The following PAK1 variants were observed in gnomAD, a reference collection of about 807,000 sequenced individuals.
The protein encoded by PAK1 is p21 (RAC1) activated kinase 1, also known as serine/threonine-protein kinase PAK 1.
Under a neutral mutation model 67.4 loss-of-function variants are expected in PAK1, and 29 were observed. The observed-to-expected ratio is 0.43, with a 90% CI of 0.32 to 0.59. PAK1 has a LOEUF of 0.59. PAK1 is among the 20% of genes least tolerant of loss of function. The probability of loss-of-function intolerance (pLI) is 0.07; values close to 1 mark genes in which losing one functional copy is unlikely to be tolerated. For missense variants in PAK1, 337 were observed against 670.7 expected (o/e 0.50, Z 5.50); for synonymous variants, 223 against 237.4 (o/e 0.94, Z 0.56).
chr11:77,334,496 G>A (rs1942319522), intron 13 of PAK1, among the ~76,000 whole-genome samples: 1 of 152,194 alleles, frequency 6.6e-6, no homozygotes, highest in African/African-American at 2.4e-5. Context: ...GAATAAATGA[G>A]AAAATAAAAG....
intron 1 of PAK1, among the ~76,000 whole-genome samples, chr11:77,458,269 C>G (rs1957167536): frequency 6.6e-6 from 1 of 152,128 alleles, no homozygotes; most frequent in Non-Finnish European, 1.5e-5. Flanking sequence ...AAAGTTAATT[C>G]TTAGAACAAA....
At chr11:77,389,993 G>GAA (rs1210081397) in intron 2 of PAK1, among the ~76,000 whole-genome samples, 6 of 152,112 alleles carry the variant, frequency 3.9e-5, no homozygotes, top group Admixed American at 3.9e-4. Context: ...TAGAGATCAA[G>GAA]AACACTGGTT....
intron 1 of PAK1, among the ~76,000 whole-genome samples, chr11:77,466,362 G>C (rs1957594464): frequency 6.6e-6 from 1 of 152,174 alleles, no homozygotes; most frequent in Non-Finnish European, 1.5e-5. Flanking sequence ...CCAGCACTTT[G>C]GGAGGCAGAA....
the PAK1 span, among the ~76,000 whole-genome samples, chr11:77,512,278 CT>C: frequency 5.3e-5 from 8 of 152,176 alleles, no homozygotes; most frequent in African/African-American, 1.9e-4. Context: ...TCCCCTCCCC[CT>C]ATTTCAGATT....
chr11:77,327,474 A>G (rs1245077750), intron 14 of PAK1, among the ~76,000 whole-genome samples: 2 of 152,232 alleles, frequency 1.3e-5, no homozygotes, highest in Non-Finnish European at 2.9e-5. Flanking sequence ...AGTGGGGGCC[A>G]ATATTCAACA....
chr11:77,520,293 A>T, the PAK1 span, among the ~76,000 whole-genome samples: 1 of 152,136 alleles, frequency 6.6e-6, no homozygotes, highest in Non-Finnish European at 1.5e-5. Flanking sequence ...ACTCTCTCAG[A>T]TCTCCCTCAG....
chr11:77,438,199 G>A (rs529819189), intron 1 of PAK1, among the ~76,000 whole-genome samples: 35 of 152,122 alleles, frequency 2.3e-4, no homozygotes, highest in Non-Finnish European at 4.1e-4. Flanking sequence ...AAACAGGCAC[G>A]TCACATAGCC....
At chr11:77,501,544 C>G in the PAK1 span, among the ~76,000 whole-genome samples, 1 of 152,188 alleles carries the variant, frequency 6.6e-6, no homozygotes, top group Non-Finnish European at 1.5e-5. Flanking sequence ...CTGATCCCAC[C>G]CTGTTCCAGT....
chr11:77,420,464 ACT>A (rs1043290463), intron 1 of PAK1, among the ~76,000 whole-genome samples: 2 of 152,292 alleles, frequency 1.3e-5, no homozygotes, highest in Admixed American at 1.3e-4. Flanking sequence ...ACAAGTCAAA[ACT>A]CTGTTCCTCC....
chr11:77,456,779 C>A (rs1957099511), intron 1 of PAK1, among the ~76,000 whole-genome samples: 1 of 151,610 alleles, frequency 6.6e-6, no homozygotes, highest in South Asian at 2.1e-4. Flanking sequence ...TCTCGCACTG[C>A]CACCCAGACT....
the PAK1 span, among the ~76,000 whole-genome samples, chr11:77,498,691 A>ATTTTTTTT: frequency 1.9e-4 from 14 of 72,074 alleles, 3 homozygotes; most frequent in South Asian, 1.2e-3. Context: ...CTTGCTTGTA[A>ATTTTTTTT]TTTTTTTTTT....
At chr11:77,324,830 T>C (rs879610457) in intron 14 of PAK1, among the ~76,000 whole-genome samples, 5 of 151,938 alleles carry the variant, frequency 3.3e-5, no homozygotes, top group Admixed American at 3.3e-4. Flanking sequence ...GAGAAACATA[T>C]ATACTAATAT....
At chr11:77,517,100 C>T in the PAK1 span, among the ~76,000 whole-genome samples, 312 of 152,294 alleles carry the variant, frequency 2.0e-3, 7 homozygotes, top group East Asian at 0.053. Flanking sequence ...AATCTTCCTT[C>T]AGGCATAATT....
intron 2 of PAK1, among the ~76,000 whole-genome samples, chr11:77,389,353 T>C (rs1950846556): frequency 6.6e-6 from 1 of 152,234 alleles, no homozygotes; most frequent in African/African-American, 2.4e-5. Context: ...TTTGGGTTGT[T>C]TCTGCTTTTT....
intron 1 of PAK1, among the ~76,000 whole-genome samples, chr11:77,422,510 G>A (rs531551902): frequency 6.6e-6 from 1 of 150,844 alleles, no homozygotes; most frequent in East Asian, 2.0e-4. Context: ...AGCCGAGATC[G>A]CGCCATTGGA....
intron 1 of PAK1, among the ~76,000 whole-genome samples, chr11:77,449,809 T>A (rs1366183668): frequency 6.6e-6 from 1 of 152,106 alleles, no homozygotes; most frequent in Non-Finnish European, 1.5e-5. Context: ...TATCTAGGAC[T>A]TTCCAATGTA....
At chr11:77,455,980 T>G (rs1453212558) in intron 1 of PAK1, 3 of 152,164 alleles carry the variant, frequency 2.0e-5, no homozygotes, top group African/African-American at 4.8e-5. Flanking sequence ...CTATTTCAAG[T>G]GCAAAGATCA....
chr11:77,417,023 C>T (rs1037453), intron 1 of PAK1, among the ~76,000 whole-genome samples: 1 of 151,972 alleles, frequency 6.6e-6, no homozygotes, highest in Admixed American at 6.6e-5. Context: ...TTGTTTACAC[C>T]AGCATCTCCA....
chr11:77,493,445 A>ATTTTT, the PAK1 span, among the ~76,000 whole-genome samples: 39 of 70,942 alleles, frequency 5.5e-4, 5 homozygotes, highest in South Asian at 7.8e-3. Context: ...TGCCCAGCTA[A>ATTTTT]TTTTTTTTTT....
Sources: allele counts gnomAD v4.1 joint callset (sites outside exome capture counted in the v4.1 genomes callset), GRCh38; gene constraint gnomAD v4.1.1; transcripts MANE v1.5; gene names NCBI Gene and HGNC (gene_info 2026-07-23, HGNC 2026-07-21).